The following NTRK2 variants were observed in gnomAD, a reference collection of about 807,000 sequenced individuals.
NTRK2 encodes BDNF/NT-3 growth factors receptor.
In NTRK2, 13 loss-of-function variants were observed where a neutral mutation model predicts 94.5. That is an observed-to-expected ratio of 0.14 (90% CI 0.09 to 0.22). The LOEUF (loss-of-function observed/expected upper bound fraction) is 0.22, where lower values mean the gene tolerates loss of function less well. NTRK2 is among the 10% of genes least tolerant of loss of function. The pLI, the probability that NTRK2 is intolerant of heterozygous loss-of-function variation, is 1.00. For missense variants in NTRK2, 639 were observed against 1,071.2 expected (o/e 0.60, Z 5.63); for synonymous variants, 372 against 407.4 (o/e 0.91, Z 1.05).
At chr9:85,003,888 A>T (rs1830591519) in intron 17 of NTRK2, among the ~76,000 whole-genome samples, 1 of 150,398 alleles carries the variant, frequency 6.6e-6, no homozygotes, top group Admixed American at 6.7e-5. Context: ...GGATATGGGG[A>T]TAAGAGAAAA....
chr9:84,948,833 T>C (rs1200311376), intron 16 of NTRK2, among the ~76,000 whole-genome samples, 199 bp downstream of exon 16: 1 of 152,234 alleles, frequency 6.6e-6, no homozygotes, highest in Non-Finnish European at 1.5e-5. Context: ...ATGAATTCTA[T>C]GTAATGTGAT....
At chr9:84,681,468 T>C (rs897215416) in intron 2 of NTRK2, among the ~76,000 whole-genome samples, 3 of 152,176 alleles carry the variant, frequency 2.0e-5, no homozygotes, top group African/African-American at 7.2e-5. Flanking sequence ...CAAATATTGA[T>C]TGGGGTCTTC....
At chr9:84,995,789 C>T (rs574614470) in intron 17 of NTRK2, among the ~76,000 whole-genome samples, 4 of 152,284 alleles carry the variant, frequency 2.6e-5, no homozygotes, top group Admixed American at 2.0e-4. Flanking sequence ...AACAGAAACT[C>T]GAGGTCAGGT....
At chr9:84,716,369 G>A (rs1485436346) in intron 6 of NTRK2, among the ~76,000 whole-genome samples, 2 of 152,114 alleles carry the variant, frequency 1.3e-5, no homozygotes, top group East Asian at 1.9e-4. Flanking sequence ...GAGATAAATT[G>A]AATTTAATGA....
At chr9:84,942,398 C>T (rs1033269455) in intron 15 of NTRK2, among the ~76,000 whole-genome samples, 5 of 152,152 alleles carry the variant, frequency 3.3e-5, no homozygotes, top group South Asian at 4.1e-4. Flanking sequence ...GTTCTAAATG[C>T]GTGGTTAATC....
At chr9:85,010,059 C>T (rs1461286502) in intron 17 of NTRK2, among the ~76,000 whole-genome samples, 2 of 152,198 alleles carry the variant, frequency 1.3e-5, no homozygotes, top group Non-Finnish European at 2.9e-5. Context: ...TCTCTACTTG[C>T]TGGACAGGAT....
chr9:84,944,479 A>T (rs1458061535), intron 15 of NTRK2, among the ~76,000 whole-genome samples: 2 of 152,188 alleles, frequency 1.3e-5, no homozygotes, highest in Non-Finnish European at 2.9e-5. Context: ...GAGCAGAAAG[A>T]TTATACACAG....
intron 12 of NTRK2, among the ~76,000 whole-genome samples, chr9:84,833,233 A>G (rs1442092420): frequency 1.3e-5 from 2 of 152,250 alleles, no homozygotes; most frequent in African/African-American, 2.4e-5. Context: ...TGGGCTGCAC[A>G]CTAAAAATCA....
chr9:84,760,447 A>G (rs2065453549), intron 12 of NTRK2, among the ~76,000 whole-genome samples: 1 of 152,212 alleles, frequency 6.6e-6, no homozygotes, highest in South Asian at 2.1e-4. Flanking sequence ...AACAGTGAAT[A>G]TTAGTGTTTC....
At chr9:84,699,039 A>ATTTTT (rs11397169) in intron 2 of NTRK2, among the ~76,000 whole-genome samples, 1 of 145,680 alleles carries the variant, frequency 6.9e-6, no homozygotes, top group Non-Finnish European at 1.5e-5. Context: ...CTTGCTGAAA[A>ATTTTT]TTTTTTTTTT....
Position 84,727,966 on chromosome 9 carries a change from A to T in NTRK2, c.1159+7A>T, listed in dbSNP as rs1182605014. 7 of 1,612,948 alleles carry T rather than the reference A, an allele frequency of 4.3e-6. No homozygotes were observed. Among genetic ancestry groups the T allele is most frequent in the Non-Finnish European group, 8.5e-7 (1 of 1,179,040 alleles). ...TGGCCTGGAATTGACGATGGTGAGTAACTGACACTTTTGTATGTGGGGAGA... is the reference window on the plus strand; with the variant it reads ...TGGCCTGGAATTGACGATGGTGAGTTACTGACACTTTTGTATGTGGGGAGA... On this transcript the variant is annotated splice_region_variant and intron_variant, in intron 9 of 18. Transcript: ENST00000277120.
At chr9:85,011,752 T>G (rs1173101170) in intron 17 of NTRK2, among the ~76,000 whole-genome samples, 1 of 152,150 alleles carries the variant, frequency 6.6e-6, no homozygotes, top group Non-Finnish European at 1.5e-5. Flanking sequence ...GAGAGCCCTT[T>G]CCATCCCTGC....
intron 12 of NTRK2, among the ~76,000 whole-genome samples, chr9:84,855,916 T>C (rs575657139): frequency 2.6e-5 from 4 of 152,198 alleles, no homozygotes; most frequent in Admixed American, 2.0e-4. Context: ...AGGCAAGGCC[T>C]GGAAGTGGGA....
intron 12 of NTRK2, among the ~76,000 whole-genome samples, chr9:84,826,739 T>C (rs751584456): frequency 2.4e-4 from 37 of 152,246 alleles, no homozygotes; most frequent in Non-Finnish European, 4.4e-4. Context: ...TAACAATGCA[T>C]GTATCTAGTA....
At chr9:84,727,147 T>C (rs577646409) in intron 8 of NTRK2, among the ~76,000 whole-genome samples, 8 of 152,380 alleles carry the variant, frequency 5.3e-5, no homozygotes, top group Admixed American at 2.0e-4. Flanking sequence ...ATTTATTGCA[T>C]TGATCAGTTT....
intron 12 of NTRK2, among the ~76,000 whole-genome samples, chr9:84,810,323 T>C (rs2071629167): frequency 6.6e-6 from 1 of 152,202 alleles, no homozygotes; most frequent in African/African-American, 2.4e-5. Context: ...AAAATCAGTT[T>C]TAAGTTTAAA....
intron 4 of NTRK2, among the ~76,000 whole-genome samples, chr9:84,704,407 T>C (rs2060918021): frequency 6.6e-6 from 1 of 151,496 alleles, no homozygotes. Context: ...TTTTTTTTTT[T>C]AGTAGAGATT....
At chr9:84,842,305 A>G (rs12379621) in intron 12 of NTRK2, among the ~76,000 whole-genome samples, 170 of 152,118 alleles carry the variant, frequency 1.1e-3, no homozygotes, top group Non-Finnish European at 2.0e-3. Flanking sequence ...CCTGCAAATC[A>G]TACTCCCCAT....
chr9:85,021,119 C>T (rs1355999165), intron 18 of NTRK2, 133 bp from the exon 19 acceptor site: 11 of 758,118 alleles, frequency 1.5e-5, no homozygotes, highest in Non-Finnish European at 2.3e-5. Context: ...TTGCTCTCTT[C>T]CTTCTGAGAA....
Sources: gnomAD v4.1 joint callset for allele counts (sites outside exome capture counted in the v4.1 genomes callset) on GRCh38, gnomAD v4.1.1 for gene constraint, MANE v1.5 for transcripts, NCBI Gene and HGNC (gene_info 2026-07-23, HGNC 2026-07-21) for gene names.